MTX3: variants seen among roughly 807,000 people sequenced by gnomAD.
The protein encoded by MTX3 is metaxin-3.
In MTX3, 27 loss-of-function variants were observed where a neutral mutation model predicts 42.5. The ratio of observed to expected loss-of-function variants is 0.64; its 90% CI spans 0.47 to 0.88. The LOEUF is 0.88. Ranked by LOEUF, MTX3 falls within the 40% of genes least tolerant of loss-of-function variation. The pLI is 0.00. For missense variants in MTX3, 378 were observed against 367.0 expected, an observed-to-expected ratio of 1.03 and a Z score of -0.25; for synonymous variants, 144 against 132.9, an observed-to-expected ratio of 1.08 and a Z score of -0.57.
Position 79,983,719 on chromosome 5 carries a change from CT to C in MTX3, c.903del (p.Glu302LysfsTer41). 1 of 1,613,958 alleles carries C rather than the reference CT, an allele frequency of 6.2e-7. No individual in the cohort carries two copies. Among genetic ancestry groups the C allele is most frequent in the Non-Finnish European group, 8.5e-7 (1 of 1,179,840 alleles). ...KLPTLKLTPAEEENNSFQRLS... is the reference protein window; with the variant it reads ...KLPTLKLTPAXEENNSFQRLS... Reference sequence around the variant, plus strand: ...AGCCGTTGGAAGGAATTATTTTCTTCTTCTGCTGGAGTCAATTTAAGTGTTG... The same window carrying C: ...AGCCGTTGGAAGGAATTATTTTCTTCTCTGCTGGAGTCAATTTAAGTGTTG... On this transcript the variant is annotated frameshift_variant, in exon 9 of 9. Coordinates refer to ENST00000512528, the MANE Select transcript of MTX3 (RefSeq NM_001363818.2). LOFTEE classifies it high-confidence loss of function.
At position 79,989,047 on chromosome 5, in the gene MTX3, A is replaced by T. The variant is rs1580889266; in HGVS notation, c.321+105T>A. 5.6e-6 allele frequency: 4 copies of T among 713,540 alleles called. No individual in the cohort carries two copies. In the East Asian group the frequency reaches 1.1e-4, roughly 20 times the overall value. The allele number at this position is 713,540 out of a possible 1,614,324, so 44.2% of individuals were successfully genotyped here. On this transcript the variant is annotated intron_variant, in intron 4 of 8. Transcript: ENST00000512528. ...TATGAAGGAATTAAGATTAACATAT[A>T]AGTAAAATTTTCTCTTAAGACTTTT...
intron 8 of MTX3, among the ~76,000 whole-genome samples, chr5:79,984,971 T>C (rs1831456160): frequency 6.6e-6 from 1 of 151,834 alleles, no homozygotes; most frequent in Non-Finnish European, 1.5e-5. Flanking sequence ...GCAAGAAGTG[T>C]TTTTGCTTTG....
rs1358181782 is a variant in MTX3, at chr5:79,988,477, T to C, written c.489A>G (p.Arg163=). 2 of 1,610,782 alleles carry C rather than the reference T, an allele frequency of 1.2e-6. No homozygotes were observed. The highest frequency in any genetic ancestry group is 1.7e-6 in the Non-Finnish European group (2 of 1,178,936). ...TRGQPPLYHL[R]EVEAQIYRDA... ...CATACTATACCTGTGCTTCCACTTC[T>C]CGGAGGTGGTAGAGGGGAGGCTGTC... The change falls in exon 5 of 9, where the codon CGA becomes CGG. Residue 163 remains arginine, a synonymous_variant. Coordinates refer to ENST00000512528, the MANE Select transcript of MTX3 (RefSeq NM_001363818.2).
Position 79,977,834 on chromosome 5 carries a change from C to A in MTX3, c.*5850G>T, listed in dbSNP as rs933190198. ...AGCTTTCTATGATGTATGTATCATA[C>A]TAGCTTGTATGTGACTTTAGTGTCA... On this transcript the variant is annotated 3_prime_UTR_variant, in exon 9 of 9. Coordinates refer to ENST00000512528, the MANE Select transcript of MTX3 (RefSeq NM_001363818.2). 4 of 152,200 alleles carry A rather than the reference C, an allele frequency of 2.6e-5. No individual in the cohort carries two copies. Among genetic ancestry groups the A allele is most frequent in the Admixed American group, 6.5e-5 (1 of 15,280 alleles). 9.4% of individuals were successfully genotyped at this position (152,200 alleles called of 1,614,324 possible). A position where few individuals can be genotyped will look rare whatever the true frequency, so the allele number is the denominator to read the frequency against.
chr5:79,990,878 GGC>G lies in MTX3; in HGVS notation c.82-217_82-216del, dbSNP rs1342673517. ...GGTCCTGGGGATGCAGAGTAGGGAGGGCGCGCCCCTTGCTTCGGGGTTTCACT... is the reference window on the plus strand; with the variant it reads ...GGTCCTGGGGATGCAGAGTAGGGAGGGCGCCCCTTGCTTCGGGGTTTCACT... On this transcript the variant is annotated intron_variant, in intron 1 of 8. Coordinates refer to ENST00000512528, the MANE Select transcript of MTX3 (RefSeq NM_001363818.2). 1.6e-5 allele frequency: 11 copies of G among 708,872 alleles called. No homozygotes were observed. The African/African-American group carries it at 1.9e-4, about 12-fold the overall frequency. 43.9% of individuals were successfully genotyped at this position (708,872 alleles called of 1,614,324 possible). A position where few individuals can be genotyped will look rare whatever the true frequency, so the allele number is the denominator to read the frequency against.
intron 8 of MTX3, among the ~76,000 whole-genome samples, chr5:79,984,752 C>G (rs771543274): frequency 3.4e-4 from 51 of 152,084 alleles, no homozygotes; most frequent in Non-Finnish European, 5.3e-4. Context: ...CTCAATGTTT[C>G]TCTCATGAAA....
intron 3 of MTX3, 49 bp downstream of exon 3, chr5:79,990,111 G>T: frequency 8.6e-7 from 1 of 1,162,628 alleles, no homozygotes; most frequent in Non-Finnish European, 1.2e-6. Context: ...AGCCCAACAT[G>T]CAGGGATCAA....
chr5:79,989,127 T>C, intron 4 of MTX3, 25 bp downstream of exon 4: 2 of 1,496,776 alleles, frequency 1.3e-6, no homozygotes, highest in East Asian at 2.3e-5. Flanking sequence ...GCTACTAAAA[T>C]ACTGTAATAT....
chr5:79,991,260 T>C lies in MTX3; in HGVS notation c.-22A>G, dbSNP rs368562214. 4.9e-6 allele frequency: 7 copies of C among 1,441,014 alleles called. No homozygotes were observed. The highest frequency in any genetic ancestry group is 6.4e-6 in the Non-Finnish European group (7 of 1,094,040). 89.3% of individuals were successfully genotyped at this position (1,441,014 alleles called of 1,614,324 possible). A position where few individuals can be genotyped will look rare whatever the true frequency, so the allele number is the denominator to read the frequency against. On this transcript the variant is annotated 5_prime_UTR_variant, in exon 1 of 9. It adds an upstream start codon to the 5' untranslated region. Transcript: ENST00000512528. Reference sequence around the variant, plus strand: ...CCATCTTGCGCGGGCCGACCTTTACTATCCCGGAAGTACTTTTCCTCCTAA... The same window carrying C: ...CCATCTTGCGCGGGCCGACCTTTACCATCCCGGAAGTACTTTTCCTCCTAA...
In MTX3 at chr5:79,981,267, T is replaced by C. The variant is rs1014516261; in HGVS notation, c.*2417A>G. 3 of 152,200 alleles carry C rather than the reference T, an allele frequency of 2.0e-5. No homozygotes were observed. The highest frequency in any genetic ancestry group is 1.3e-4 in the Admixed American group (2 of 15,278). 9.4% of individuals were successfully genotyped at this position (152,200 alleles called of 1,614,324 possible). Reference sequence around the variant, plus strand: ...TCAGTTACAGCTTCCTGTCATCTCATTTACTTATACATAAATAGCTCAACT... The same window carrying C: ...TCAGTTACAGCTTCCTGTCATCTCACTTACTTATACATAAATAGCTCAACT... On this transcript the variant is annotated 3_prime_UTR_variant, in exon 9 of 9. Transcript: ENST00000512528.
chr5:79,989,004 A>G lies in MTX3; in HGVS notation c.321+148T>C. 3 of 577,942 alleles carry G rather than the reference A, an allele frequency of 5.2e-6. No homozygotes were observed. The South Asian group carries it at 7.7e-5, about 15-fold the overall frequency. The allele number at this position is 577,942 out of a possible 1,614,324, so 35.8% of individuals were successfully genotyped here. A position where few individuals can be genotyped will look rare whatever the true frequency, so the allele number is the denominator to read the frequency against. On this transcript the variant is annotated intron_variant, in intron 4 of 8. Transcript: ENST00000512528. ...CACATACTAGTTGAATGCCTAACAG[A>G]ATCCAGTTTCACAGTAATATGAAGG...
chr5:79,985,826 C>T (rs1005746394), intron 7 of MTX3, among the ~76,000 whole-genome samples, 167 bp from the exon 8 acceptor site: 2 of 151,086 alleles, frequency 1.3e-5, no homozygotes, highest in Non-Finnish European at 2.9e-5. Flanking sequence ...GAGAGGGATT[C>T]GAATGCTCTA....
In MTX3 at chr5:79,989,051, A is replaced by C. The variant is rs1390467448; in HGVS notation, c.321+101T>G. ...AAGGAATTAAGATTAACATATAAGTAAAATTTTCTCTTAAGACTTTTCTCA... is the reference window on the plus strand; with the variant it reads ...AAGGAATTAAGATTAACATATAAGTCAAATTTTCTCTTAAGACTTTTCTCA... On this transcript the variant is annotated intron_variant, in intron 4 of 8. Coordinates refer to ENST00000512528, the MANE Select transcript of MTX3 (RefSeq NM_001363818.2). 6.5e-6 allele frequency: 5 copies of C among 774,648 alleles called. No homozygotes were observed. In the African/African-American group the frequency reaches 9.0e-5, roughly 14 times the overall value. The allele number at this position is 774,648 out of a possible 1,614,324, so 48.0% of individuals were successfully genotyped here. A position where few individuals can be genotyped will look rare whatever the true frequency, so the allele number is the denominator to read the frequency against.
At position 79,988,229 on chromosome 5, in the gene MTX3, G is replaced by C; in HGVS notation, c.581+10C>G. ...CAAAATACCAAAATGATTTTTAAGGGAATACTCACGTATCTCCAAAGAAAA... is the reference window on the plus strand; with the variant it reads ...CAAAATACCAAAATGATTTTTAAGGCAATACTCACGTATCTCCAAAGAAAA... On this transcript the variant is annotated intron_variant, in intron 6 of 8. Coordinates refer to ENST00000512528, the MANE Select transcript of MTX3 (RefSeq NM_001363818.2). The C allele has an allele frequency of 6.8e-7, 1 of 1,471,394 alleles. No homozygotes were observed. The highest frequency in any genetic ancestry group is 9.3e-7 in the Non-Finnish European group (1 of 1,073,946). 91.1% of individuals were successfully genotyped at this position (1,471,394 alleles called of 1,614,324 possible). A position where few individuals can be genotyped will look rare whatever the true frequency, so the allele number is the denominator to read the frequency against.
At position 79,978,497 on chromosome 5, in the gene MTX3, G is replaced by A. The variant is rs373766838; in HGVS notation, c.*5187C>T. 1.3e-5 allele frequency: 2 copies of A among 152,810 alleles called. No homozygotes were observed. The highest frequency in any genetic ancestry group is 4.8e-5 in the African/African-American group (2 of 41,448). 9.5% of individuals were successfully genotyped at this position (152,810 alleles called of 1,614,324 possible). A position where few individuals can be genotyped will look rare whatever the true frequency, so the allele number is the denominator to read the frequency against. ...CCCAGTAAATTGGGAGGCTGAGGCAGGAGAATCGCTTGAACCTGGGAGGCG... is the reference window on the plus strand; with the variant it reads ...CCCAGTAAATTGGGAGGCTGAGGCAAGAGAATCGCTTGAACCTGGGAGGCG... On this transcript the variant is annotated 3_prime_UTR_variant, in exon 9 of 9. Coordinates refer to ENST00000512528, the MANE Select transcript of MTX3 (RefSeq NM_001363818.2).
Position 79,990,639 on chromosome 5 carries a change from G to C in MTX3, c.106C>G (p.Pro36Ala). The change falls in exon 2 of 9, where the codon CCC becomes GCC. Residue 36 changes from proline (P) to alanine (A), a missense_variant. Coordinates refer to ENST00000512528, the MANE Select transcript of MTX3 (RefSeq NM_001363818.2). ...VMAYAKFSGA[P>A]LKVNVIDNTW... ...TTATCTATCACATTGACTTTCAAGG[G>C]TGCACCAGAAAATTTGGCATAAGCC... is the stretch of plus-strand genomic sequence containing the variant. 6.2e-7 allele frequency: 1 copy of C among 1,613,420 alleles called. No individual in the cohort carries two copies. The highest frequency in any genetic ancestry group is 1.3e-5 in the African/African-American group (1 of 75,026).
At position 79,979,263 on chromosome 5, in the gene MTX3, C is replaced by T. The variant is rs1042852646; in HGVS notation, c.*4421G>A. 6.6e-6 allele frequency: 1 copy of T among 152,130 alleles called. No homozygotes were observed. The highest frequency in any genetic ancestry group is 1.5e-5 in the Non-Finnish European group (1 of 68,008). The allele number at this position is 152,130 out of a possible 1,614,324, so 9.4% of individuals were successfully genotyped here. A position where few individuals can be genotyped will look rare whatever the true frequency, so the allele number is the denominator to read the frequency against. On this transcript the variant is annotated 3_prime_UTR_variant, in exon 9 of 9. Coordinates refer to ENST00000512528, the MANE Select transcript of MTX3 (RefSeq NM_001363818.2). The stretch of plus-strand genomic sequence containing the variant: ...AAAAATTAGCATTTTGAACATCCAA[C>T]GAAACTTCAAGTTTGAGGATAATGG...
intron 6 of MTX3, among the ~76,000 whole-genome samples, 194 bp from the exon 7 acceptor site, chr5:79,987,301 G>T (rs1199531597): frequency 6.6e-6 from 1 of 151,840 alleles, no homozygotes; most frequent in Non-Finnish European, 1.5e-5. Flanking sequence ...GAAGTCGGGC[G>T]TGGTGGTGGG....
rs1388813999 is a variant in MTX3 at position 79,983,577 on chromosome 5, G to C, written c.*107C>G. On this transcript the variant is annotated 3_prime_UTR_variant, in exon 9 of 9. Coordinates refer to ENST00000512528, the MANE Select transcript of MTX3 (RefSeq NM_001363818.2). ...GGCATAGAAAGTTCCTTTTGGTTTA[G>C]AGTCTTCCTTAATACCTATTATGGT... 3 of 788,022 alleles carry C rather than the reference G, an allele frequency of 3.8e-6. No individual in the cohort carries two copies. Among genetic ancestry groups the C allele is most frequent in the Non-Finnish European group, 6.6e-6 (3 of 451,328 alleles). The allele number at this position is 788,022 out of a possible 1,614,324, so 48.8% of individuals were successfully genotyped here.
Sources: gnomAD v4.1 joint callset for allele counts (sites outside exome capture counted in the v4.1 genomes callset) on GRCh38, gnomAD v4.1.1 for gene constraint, MANE v1.5 for transcripts, NCBI Gene and HGNC (gene_info 2026-07-23, HGNC 2026-07-21) for gene names.